The following NR2F2 variants were observed in gnomAD, a reference collection of about 807,000 sequenced individuals.
NR2F2 encodes nuclear receptor subfamily 2 group F member 2, also known as COUP transcription factor 2.
In NR2F2, 2 loss-of-function variants were observed where a neutral mutation model predicts 34.8. The observed-to-expected ratio is 0.06, with a 90% CI of 0.02 to 0.18. The LOEUF is 0.18. Among genes scored for constraint, NR2F2 ranks in the 10% least tolerant of loss-of-function variants. The pLI, the probability that NR2F2 is intolerant of heterozygous loss-of-function variation, is 1.00. For synonymous variants in NR2F2, 274 were observed against 251.8 expected, an observed-to-expected ratio of 1.09 and a Z score of -0.84; for missense variants, 300 against 580.1, an observed-to-expected ratio of 0.52 and a Z score of 4.96.
At position 96,330,723 on chromosome 15, in the gene NR2F2, G is replaced by T; in HGVS notation, c.-1383G>T. 2.8e-6 allele frequency: 1 copy of T among 351,764 alleles called. No individual in the cohort carries two copies. The highest frequency in any genetic ancestry group is 4.1e-6 in the Non-Finnish European group (1 of 241,750). 21.8% of individuals were successfully genotyped at this position (351,764 alleles called of 1,614,324 possible). A position where few individuals can be genotyped will look rare whatever the true frequency, so the allele number is the denominator to read the frequency against. ...CGGAGAAGCCACTTCTGCCAGCCCC[G>T]GCGCCTATAAATCGCATTCCCTCCC... On this transcript the variant is annotated 5_prime_UTR_variant, in exon 1 of 3. Transcript: ENST00000394166.
intron 1 of NR2F2, 179 bp from the exon 2 acceptor site, chr15:96,333,897 G>A: frequency 6.9e-7 from 1 of 1,442,730 alleles, no homozygotes; most frequent in Non-Finnish European, 9.1e-7. Context: ...CGCCTGGGTG[G>A]TGGTTTGAAA....
At position 96,337,659 on chromosome 15, in the gene NR2F2, G is replaced by A; in HGVS notation, c.*37G>A. The A allele has an allele frequency of 1.3e-6, 2 of 1,588,284 alleles. No homozygotes were observed. The highest frequency in any genetic ancestry group is 1.7e-5 in the Admixed American group (1 of 57,294). On this transcript the variant is annotated 3_prime_UTR_variant, in exon 3 of 3. Transcript: ENST00000394166. The stretch of plus-strand genomic sequence containing the variant: ...AAGAAGGGGGAGTGAAACAGAGAAA[G>A]AAAAGGCAAAAGACTGGTTTGTTTG...
rs1020807353 is a variant in NR2F2 at position 96,331,011 on chromosome 15, C to G, written c.-1095C>G. Reference sequence around the variant, plus strand: ...CTCTTTTATCATTTCTCCCCCGCCGCCGGCGAGTTGACTCTTTCCCTATGT... The same window carrying G: ...CTCTTTTATCATTTCTCCCCCGCCGGCGGCGAGTTGACTCTTTCCCTATGT... On this transcript the variant is annotated 5_prime_UTR_variant, in exon 1 of 3. Coordinates refer to ENST00000394166, the MANE Select transcript of NR2F2 (RefSeq NM_021005.4). The G allele has an allele frequency of 8.2e-7, 1 of 1,225,196 alleles. No homozygotes were observed. The highest frequency in any genetic ancestry group is 1.6e-5 in the African/African-American group (1 of 64,240). The allele number at this position is 1,225,196 out of a possible 1,614,324, so 75.9% of individuals were successfully genotyped here.
upstream of NR2F2, chr15:96,327,024 A>G (rs1254357697): frequency 6.6e-6 from 1 of 152,438 alleles, no homozygotes; most frequent in African/African-American, 2.4e-5. Context: ...TGTCTATTGC[A>G]ACCGCGCCGG....
rs1054696676 is a variant in NR2F2 at position 96,331,583 on chromosome 15, C to A, written c.-523C>A. 4 of 1,189,844 alleles carry A rather than the reference C, an allele frequency of 3.4e-6. No homozygotes were observed. The African/African-American group carries it at 1.0e-4, about 30-fold the overall frequency. The allele number at this position is 1,189,844 out of a possible 1,614,324, so 73.7% of individuals were successfully genotyped here. Reference sequence around the variant, plus strand: ...TCACCACCACCTCCTCTTCCTCCTCCTCCTCCTCCTCCTCCTCCGCCAACT... The same window carrying A: ...TCACCACCACCTCCTCTTCCTCCTCATCCTCCTCCTCCTCCTCCGCCAACT... On this transcript the variant is annotated 5_prime_UTR_variant, in exon 1 of 3. Transcript: ENST00000394166.
rs1899140857 is a variant in NR2F2, at chr15:96,331,533, C to T, written c.-573C>T. The T allele has an allele frequency of 8.1e-7, 1 of 1,229,274 alleles. No homozygotes were observed. Among genetic ancestry groups the T allele is most frequent in the Non-Finnish European group, 1.0e-6 (1 of 986,774 alleles). The allele number at this position is 1,229,274 out of a possible 1,614,324, so 76.1% of individuals were successfully genotyped here. The stretch of plus-strand genomic sequence containing the variant: ...CTGGACTTGGCCCCCGGACAGTCGC[C>T]TCTCCTCCTCCTCTACCTCCTCCTT... On this transcript the variant is annotated 5_prime_UTR_variant, in exon 1 of 3. Coordinates refer to ENST00000394166, the MANE Select transcript of NR2F2 (RefSeq NM_021005.4).
intron 1 of NR2F2, 89 bp from the exon 2 acceptor site, chr15:96,333,987 G>GT (rs993877171): frequency 6.5e-7 from 1 of 1,544,104 alleles, no homozygotes; most frequent in African/African-American, 1.4e-5. Flanking sequence ...CCTGGGTCAG[G>GT]TGGGGGTCGG....
chr15:96,337,256 T>G, intron 2 of NR2F2, 92 bp from the exon 3 acceptor site: 1 of 1,483,194 alleles, frequency 6.7e-7, no homozygotes, highest in Non-Finnish European at 9.1e-7. Context: ...GTGACCCAAT[T>G]CAAACCTCTT....
Position 96,332,129 on chromosome 15 carries a change from G to T in NR2F2, c.24G>T (p.Trp8Cys). ...ATATGGCAATGGTAGTCAGCACGTG[G>T]CGCGACCCCCAGGACGAGGTGCCCG... MAMVVST[W>C]RDPQDEVPGS... The change falls in exon 1 of 3, where the codon TGG becomes TGT. Residue 8 changes from tryptophan (W) to cysteine (C), a missense_variant. This residue lies in a region of NR2F2 where 105 missense variants were observed against 107.8 expected (regional missense o/e 0.97). Transcript: ENST00000394166. The T allele has an allele frequency of 7.4e-7, 1 of 1,357,650 alleles. No homozygotes were observed. Among genetic ancestry groups the T allele is most frequent in the Non-Finnish European group, 9.5e-7 (1 of 1,054,830 alleles). The allele number at this position is 1,357,650 out of a possible 1,614,324, so 84.1% of individuals were successfully genotyped here.
At chr15:96,330,434 G>T (rs1333071420), upstream of NR2F2, among the ~76,000 whole-genome samples, 1 of 132,868 alleles carries the variant, frequency 7.5e-6, no homozygotes, top group African/African-American at 2.6e-5. Flanking sequence ...CGGCCACCCC[G>T]TCCCCGCCCC....
At chr15:96,337,185 A>G (rs1228104605) in intron 2 of NR2F2, among the ~76,000 whole-genome samples, 163 bp from the exon 3 acceptor site, 1 of 148,070 alleles carries the variant, frequency 6.8e-6, no homozygotes, top group African/African-American at 2.5e-5. Flanking sequence ...TTTTCAGTAC[A>G]TAGACATTTG....
intron 2 of NR2F2, among the ~76,000 whole-genome samples, chr15:96,334,922 G>GC (rs140399110): frequency 3.1e-3 from 478 of 152,278 alleles, no homozygotes; most frequent in African/African-American, 0.011. Context: ...CTGAGCCCAG[G>GC]CCCCCCGGGC....
chr15:96,332,556 C>A lies in NR2F2; in HGVS notation c.442+9C>A. The A allele has an allele frequency of 6.2e-7, 1 of 1,604,478 alleles. No individual in the cohort carries two copies. The highest frequency in any genetic ancestry group is 8.5e-7 in the Non-Finnish European group (1 of 1,171,910). ...GGGCATGAGACGGGAAGGTATCGGC[C>A]TCTCATTTCTCCTTCCCTCGTCCTG... On this transcript the variant is annotated intron_variant, in intron 1 of 2. Transcript: ENST00000394166.
At chr15:96,326,370 A>ATT, upstream of NR2F2, 1 of 1,606,814 alleles carries the variant, frequency 6.2e-7, no homozygotes, top group Non-Finnish European at 8.5e-7. The surrounding 1 kb of genome is among the most constrained non-coding windows in gnomAD (Gnocchi z 5.5). Flanking sequence ...TACTTACAGT[A>ATT]TTTTTTCTCT....
chr15:96,331,081 C>A lies in NR2F2; in HGVS notation c.-1025C>A. 8.2e-7 allele frequency: 1 copy of A among 1,226,210 alleles called. No individual in the cohort carries two copies. Among genetic ancestry groups the A allele is most frequent in the Non-Finnish European group, 1.0e-6 (1 of 985,292 alleles). The allele number at this position is 1,226,210 out of a possible 1,614,324, so 76.0% of individuals were successfully genotyped here. On this transcript the variant is annotated 5_prime_UTR_variant, in exon 1 of 3. Coordinates refer to ENST00000394166, the MANE Select transcript of NR2F2 (RefSeq NM_021005.4). ...GCAGCAGCAGCAGCGGCTCCGGCGG[C>A]GGCAGCAGCGGCAGCAGCGACTTCA...
chr15:96,335,469 C>T (rs1232572945), intron 2 of NR2F2, among the ~76,000 whole-genome samples: 1 of 152,198 alleles, frequency 6.6e-6, no homozygotes, highest in East Asian at 1.9e-4. Context: ...CCATTTTGGG[C>T]CACACCTGAG....
In NR2F2 at chr15:96,332,420, C is replaced by T; in HGVS notation, c.315C>T (p.Arg105=). The stretch of plus-strand genomic sequence containing the variant: ...AGGGCTGCAAGAGCTTCTTCAAGCG[C>T]AGCGTGCGGAGGAACCTGAGCTACA... ...TCEGCKSFFK[R]SVRRNLSYTC... The change falls in exon 1 of 3, where the codon CGC becomes CGT. Residue 105 remains arginine (R), a synonymous_variant. Transcript: ENST00000394166. The T allele has an allele frequency of 6.2e-7, 1 of 1,614,234 alleles. No individual in the cohort carries two copies. Among genetic ancestry groups the T allele is most frequent in the Non-Finnish European group, 8.5e-7 (1 of 1,180,038 alleles).
At position 96,332,009 on chromosome 15, in the gene NR2F2, A is replaced by G. The variant is rs561241591; in HGVS notation, c.-97A>G. The G allele has an allele frequency of 2.9e-3, 3,451 of 1,210,828 alleles. 7 individuals carry two copies. The highest frequency in any genetic ancestry group is 3.2e-3 in the Non-Finnish European group (3,131 of 974,046). 75.0% of individuals were successfully genotyped at this position (1,210,828 alleles called of 1,614,324 possible). ...CCTCTTGCACCCTCGCACACACAAA[A>G]GGCGGCGCGCCGGAGCCCGAGACCC... On this transcript the variant is annotated 5_prime_UTR_variant, in exon 1 of 3. Transcript: ENST00000394166.
At chr15:96,334,946 G>T (rs955128516) in intron 2 of NR2F2, among the ~76,000 whole-genome samples, 3 of 152,238 alleles carry the variant, frequency 2.0e-5, no homozygotes, top group Non-Finnish European at 4.4e-5. Context: ...CTGGGCCCCA[G>T]GGAATCTCCT....
Sources: allele counts gnomAD v4.1 joint callset (sites outside exome capture counted in the v4.1 genomes callset), GRCh38; gene constraint gnomAD v4.1.1; regional missense constraint gnomAD v4.1.1; non-coding constraint Gnocchi (gnomAD v3.1); transcripts MANE v1.5; gene names NCBI Gene and HGNC (gene_info 2026-07-23, HGNC 2026-07-21).